NSRP1: variants seen among roughly 807,000 people sequenced by gnomAD.
NSRP1 encodes the protein coiled-coil domain containing 55.
NSRP1 carries 24 observed loss-of-function variants against 54.7 expected under a neutral mutation model. The observed-to-expected ratio is 0.44, with a 90% CI of 0.32 to 0.62. The LOEUF (loss-of-function observed/expected upper bound fraction) is 0.62, where lower values mean the gene tolerates loss of function less well. Ranked by LOEUF, NSRP1 falls within the 20% of genes least tolerant of loss-of-function variation. NSRP1 has a pLI of 0.06. For synonymous variants in NSRP1, 210 were observed against 213.8 expected, an observed-to-expected ratio of 0.98 and a Z score of 0.15; for missense variants, 596 against 651.2, an observed-to-expected ratio of 0.92 and a Z score of 0.92.
chr17:30,169,126 G>A (rs1306499441), intron 2 of NSRP1, among the ~76,000 whole-genome samples: 2 of 152,010 alleles, frequency 1.3e-5, no homozygotes, highest in African/African-American at 4.8e-5. Flanking sequence ...TCTCAAAATA[G>A]ATATAGTCTA....
intron 2 of NSRP1, among the ~76,000 whole-genome samples, chr17:30,160,398 G>A (rs1226869901): frequency 1.3e-5 from 2 of 152,094 alleles, no homozygotes; most frequent in African/African-American, 2.4e-5. Flanking sequence ...TGTAAGTTTG[G>A]TAGACTTTGG....
At chr17:30,145,366 C>T (rs780079332) in intron 2 of NSRP1, among the ~76,000 whole-genome samples, 3 of 152,096 alleles carry the variant, frequency 2.0e-5, no homozygotes, top group Non-Finnish European at 4.4e-5. Context: ...GGGCGGATCA[C>T]GAGGTCAAGA....
At chr17:30,119,640 T>C (rs1009741233) in intron 2 of NSRP1, among the ~76,000 whole-genome samples, 2 of 152,096 alleles carry the variant, frequency 1.3e-5, no homozygotes, top group Non-Finnish European at 2.9e-5. Context: ...GTAGCAGGGA[T>C]TACAGGAACA....
chr17:30,127,312 C>T (rs2071658756), intron 2 of NSRP1, among the ~76,000 whole-genome samples: 1 of 152,088 alleles, frequency 6.6e-6, no homozygotes, highest in African/African-American at 2.4e-5. Flanking sequence ...CTTTTAATGT[C>T]GGCAATTGAA....
chr17:30,139,970 A>G (rs534193636), intron 2 of NSRP1, among the ~76,000 whole-genome samples: 95 of 151,998 alleles, frequency 6.3e-4, no homozygotes, highest in Admixed American at 1.6e-3. Context: ...CTTGCAGTGA[A>G]CCGAGATCGC....
intron 2 of NSRP1, among the ~76,000 whole-genome samples, chr17:30,134,637 G>A (rs931012167): frequency 1.3e-5 from 2 of 152,196 alleles, no homozygotes; most frequent in Admixed American, 6.5e-5. Flanking sequence ...AGCACACACA[G>A]GGTACTTAGA....
chr17:30,121,239 A>G (rs912148784), intron 2 of NSRP1, among the ~76,000 whole-genome samples: 18 of 152,124 alleles, frequency 1.2e-4, no homozygotes, highest in African/African-American at 4.3e-4. Flanking sequence ...TGGGAAGATA[A>G]CTCTTGAATT....
intron 2 of NSRP1, among the ~76,000 whole-genome samples, chr17:30,123,975 G>GT (rs2071627129): frequency 6.6e-6 from 1 of 152,092 alleles, no homozygotes; most frequent in African/African-American, 2.4e-5. Context: ...GGTATACTGT[G>GT]TAACACAAAG....
In NSRP1 at chr17:30,179,141, C is replaced by G. The variant is rs745464588; in HGVS notation, c.352C>G (p.Gln118Glu). 1.6e-5 allele frequency: 25 copies of G among 1,597,938 alleles called. No individual in the cohort carries two copies. Among genetic ancestry groups the G allele is most frequent in the Non-Finnish European group, 2.0e-5 (24 of 1,171,034 alleles). Residue 118 changes from glutamine (Q) to glutamate (E), a missense_variant, in exon 5 of 7, where the codon CAG becomes GAG. Coordinates refer to ENST00000247026, the MANE Select transcript of NSRP1 (RefSeq NM_032141.4). ...LKAVEIRKKE[Q>E]EKRMEKKIQR... ...AGCAGTTGAGATCAGAAAAAAGGAA[C>G]AGGAAAAAAGAATGGAAAAGAAAAT...
In NSRP1 at chr17:30,180,989, T is replaced by TACCTAA; in HGVS notation, c.592_597dup (p.Pro198_Lys199dup). 6.2e-7 allele frequency: 1 copy of TACCTAA among 1,611,952 alleles called. No homozygotes were observed. The highest frequency in any genetic ancestry group is 2.2e-5 in the East Asian group (1 of 44,852). ...AATCAAGCAGTTGGTGAAGAGGAAG[T>TACCTAA]ACCTAAATGCAGCTTTCGTGAAGCC... On this transcript the variant is annotated inframe_insertion, in exon 6 of 7. Coordinates refer to ENST00000247026, the MANE Select transcript of NSRP1 (RefSeq NM_032141.4).
chr17:30,155,174 C>T (rs1325027813), intron 2 of NSRP1, among the ~76,000 whole-genome samples: 6 of 151,808 alleles, frequency 4.0e-5, no homozygotes, highest in Admixed American at 1.3e-4. Flanking sequence ...TATTTTGGTA[C>T]GGGCATGTGG....
chr17:30,135,026 A>G (rs931203044), intron 2 of NSRP1, among the ~76,000 whole-genome samples: 2 of 152,188 alleles, frequency 1.3e-5, no homozygotes, highest in African/African-American at 4.8e-5. Context: ...TGAACAGTCT[A>G]TCCCAAGGGT....
At chr17:30,170,422 T>C (rs1468949596) in intron 2 of NSRP1, among the ~76,000 whole-genome samples, 1 of 152,146 alleles carries the variant, frequency 6.6e-6, no homozygotes, top group Admixed American at 6.5e-5. Context: ...CTAGACTTGT[T>C]CATCTTGTTA....
At chr17:30,117,993 G>A in intron 1 of NSRP1, 87 bp from the exon 2 acceptor site, 1 of 1,034,668 alleles carries the variant, frequency 9.7e-7, no homozygotes, top group Non-Finnish European at 1.5e-6. Flanking sequence ...TTTTGATTTG[G>A]TAGCTTCATG....
At chr17:30,172,504 AT>A in intron 2 of NSRP1, 37 bp from the exon 3 acceptor site, 1 of 1,549,502 alleles carries the variant, frequency 6.5e-7, no homozygotes, top group South Asian at 1.2e-5. Flanking sequence ...GAAATTTTAA[AT>A]TTGTTTAAAA....
chr17:30,185,147 A>C lies in NSRP1; in HGVS notation c.1150A>C (p.Arg384=). The change falls in exon 7 of 7, where the codon AGG becomes CGG. Residue 384 remains arginine, a synonymous_variant. Coordinates refer to ENST00000247026, the MANE Select transcript of NSRP1 (RefSeq NM_032141.4). ...SDRVWKREKD[R]EKYSQREQER... Reference sequence around the variant, plus strand: ...CAGAGTATGGAAAAGGGAGAAAGATAGGGAGAAATATTCCCAAAGAGAACA... The same window carrying C: ...CAGAGTATGGAAAAGGGAGAAAGATCGGGAGAAATATTCCCAAAGAGAACA... The C allele has an allele frequency of 6.3e-7, 1 of 1,595,986 alleles. No individual in the cohort carries two copies.
At chr17:30,146,035 G>A (rs1182472605) in intron 2 of NSRP1, among the ~76,000 whole-genome samples, 1 of 152,064 alleles carries the variant, frequency 6.6e-6, no homozygotes, top group African/African-American at 2.4e-5. Context: ...TTTTTGTAAA[G>A]TTGGAGTTCT....
At chr17:30,164,521 G>C (rs952789226) in intron 2 of NSRP1, among the ~76,000 whole-genome samples, 1 of 152,154 alleles carries the variant, frequency 6.6e-6, no homozygotes, top group African/African-American at 2.4e-5. Flanking sequence ...CATTGGCTGA[G>C]CATGGTGGCT....
chr17:30,181,379 T>G (rs891565504), intron 6 of NSRP1, among the ~76,000 whole-genome samples: 2 of 148,874 alleles, frequency 1.3e-5, no homozygotes, highest in African/African-American at 5.0e-5. Context: ...CAAAATCAAA[T>G]TGTAGTTTTT....
Sources: gnomAD v4.1 joint callset for allele counts (sites outside exome capture counted in the v4.1 genomes callset) on GRCh38, gnomAD v4.1.1 for gene constraint, MANE v1.5 for transcripts, NCBI Gene and HGNC (gene_info 2026-07-23, HGNC 2026-07-21) for gene names.